Variants in DLEC1 observed in about 807,000 individuals in gnomAD.
The protein encoded by DLEC1 is DLEC1 cilia and flagella associated protein, also known as deleted in lung and esophageal cancer protein 1.
A neutral mutation model predicts 198.1 loss-of-function variants in DLEC1; 146 were observed. The observed-to-expected ratio is 0.74, with a 90% CI of 0.64 to 0.85. DLEC1 has a LOEUF of 0.85. Ranked by LOEUF, DLEC1 falls within the 40% of genes least tolerant of loss-of-function variation. The pLI is 0.00. For synonymous variants in DLEC1, 897 were observed against 866.8 expected (o/e 1.03, Z -0.61); for missense variants, 2,233 against 2,220.0 (o/e 1.01, Z -0.12).
chr3:38,053,841 C>G (rs1701275189), intron 2 of DLEC1, among the ~76,000 whole-genome samples: 1 of 152,168 alleles, frequency 6.6e-6, no homozygotes, highest in African/African-American at 2.4e-5. Context: ...CCATTTTGTT[C>G]TGTACTAAGA....
intron 2 of DLEC1, among the ~76,000 whole-genome samples, chr3:38,053,966 G>A (rs1696195831): frequency 6.6e-6 from 1 of 152,142 alleles, no homozygotes; most frequent in Non-Finnish European, 1.5e-5. Context: ...GGTGCAAGAT[G>A]TGCTTTGTTA....
chr3:38,079,990 G>A (rs1455556538), intron 6 of DLEC1, among the ~76,000 whole-genome samples: 1 of 152,210 alleles, frequency 6.6e-6, no homozygotes, highest in East Asian at 1.9e-4. Flanking sequence ...AATGTATATT[G>A]AGAATAAGAT....
At chr3:38,056,657 A>C (rs569570145) in intron 2 of DLEC1, among the ~76,000 whole-genome samples, 3 of 152,336 alleles carry the variant, frequency 2.0e-5, no homozygotes, top group South Asian at 4.1e-4. Flanking sequence ...AAAAGTAAAA[A>C]CAGGCTGCTC....
Position 38,097,544 on chromosome 3 carries a change from T to G in DLEC1, c.2472T>G (p.Thr824=). ...SEVGDFELNF[T]GGVPGPTSQD... is the part of the protein sequence containing the mutation. ...TCGGGGATTTTGAGTTGAACTTTAC[T>G]GGGGGTGTCCCTGGCCCCACAAGCC... is the stretch of plus-strand genomic sequence containing the variant. The change falls in exon 17 of 37, where the codon ACT becomes ACG. Residue 824 remains threonine (T), a synonymous_variant. Coordinates refer to ENST00000308059, the MANE Select transcript of DLEC1 (RefSeq NM_007335.4). 1 of 1,614,170 alleles carries G rather than the reference T, an allele frequency of 6.2e-7. No individual in the cohort carries two copies. The highest frequency in any genetic ancestry group is 8.5e-7 in the Non-Finnish European group (1 of 1,180,016).
At chr3:38,118,065 C>A in intron 33 of DLEC1, 41 bp downstream of exon 33, 2 of 1,551,952 alleles carry the variant, frequency 1.3e-6, no homozygotes, top group Non-Finnish European at 1.7e-6. Flanking sequence ...GATGGCACAC[C>A]CTCACATGTG....
intron 28 of DLEC1, 35 bp downstream of exon 28, chr3:38,116,693 A>C: frequency 6.2e-6 from 10 of 1,610,924 alleles, no homozygotes; most frequent in Non-Finnish European, 8.5e-6. Context: ...CAGGCTGGCC[A>C]CTGAGGGCCA....
Position 38,045,554 on chromosome 3 carries a change from C to A in DLEC1, c.423C>A (p.Leu141=). The change falls in exon 2 of 37, where the codon CTC becomes CTA. Residue 141 remains leucine (L), a synonymous_variant. Transcript: ENST00000308059. ...CATCCCCCTGCCAGATTCGGGAGCT[C>A]TATAAGCAGCGGCTGGATGAGTTTG... ...FVDQLQQIRE[L]YKQRLDEFEM... 2 of 1,613,406 alleles carry A rather than the reference C, an allele frequency of 1.2e-6. No individual in the cohort carries two copies. The highest frequency in any genetic ancestry group is 1.7e-6 in the Non-Finnish European group (2 of 1,179,766).
intron 2 of DLEC1, among the ~76,000 whole-genome samples, chr3:38,050,940 CTT>C (rs71094939): frequency 6.8e-6 from 1 of 146,768 alleles, no homozygotes; most frequent in Non-Finnish European, 1.5e-5. Flanking sequence ...CTCTCTCTCT[CTT>C]TTTTTTTTTT....
rs752997923 is a variant in DLEC1 at position 38,120,614 on chromosome 3, G to A, written c.4866+5G>A. On this transcript the variant is annotated splice_donor_5th_base_variant and intron_variant, in intron 34 of 36. Transcript: ENST00000308059. ...TACACCAACCAGACCACTCAGGCAC[G>A]CCCCAGGCCCACCTACATGTGGAGG... 46 of 1,612,656 alleles carry A rather than the reference G, an allele frequency of 2.9e-5. No individual in the cohort carries two copies. Among genetic ancestry groups the A allele is most frequent in the South Asian group, 1.8e-4 (16 of 91,014 alleles).
rs1450058915 is a variant in DLEC1, at chr3:38,062,415, G to T, written c.873+47G>T. 3.1e-6 allele frequency: 5 copies of T among 1,609,526 alleles called. No homozygotes were observed. The South Asian group carries it at 5.5e-5, about 18-fold the overall frequency. ...GAGCAGTGTTTGGGGGGACAGAGAG[G>T]CAGTGAAGGGGAAGGCATTCAGATG... On this transcript the variant is annotated intron_variant, in intron 4 of 36. Coordinates refer to ENST00000308059, the MANE Select transcript of DLEC1 (RefSeq NM_007335.4).
intron 19 of DLEC1, among the ~76,000 whole-genome samples, chr3:38,100,796 T>C (rs1377785099): frequency 6.6e-6 from 1 of 152,202 alleles, no homozygotes; most frequent in Non-Finnish European, 1.5e-5. Flanking sequence ...ATGCTCAGAC[T>C]GGACTGTTCC....
At chr3:38,077,502 G>T (rs1697693564) in intron 6 of DLEC1, among the ~76,000 whole-genome samples, 1 of 152,212 alleles carries the variant, frequency 6.6e-6, no homozygotes, top group Non-Finnish European at 1.5e-5. Flanking sequence ...GTTTTTAAAA[G>T]ACCTTTAGTC....
At chr3:38,087,328 A>T (rs1432723837) in intron 9 of DLEC1, among the ~76,000 whole-genome samples, 2 of 135,454 alleles carry the variant, frequency 1.5e-5, no homozygotes, top group African/African-American at 5.3e-5. Flanking sequence ...ACCATCCATC[A>T]GCATGCTCAC....
At chr3:38,084,506 AGTAGTAGTAGTGG>A (rs1559430580) in intron 7 of DLEC1, among the ~76,000 whole-genome samples, 1 of 776 alleles carries the variant, frequency 1.3e-3, no homozygotes, top group African/African-American at 6.0e-3. Flanking sequence ...TAGTAGTGGT[AGTAGTAGTAGTGG>A]TAGTAGTAGT....
intron 22 of DLEC1, chr3:38,109,765 C>CCA: frequency 1.1e-6 from 1 of 917,328 alleles, no homozygotes; most frequent in Non-Finnish European, 1.6e-6. Context: ...TGTGGTCTCC[C>CCA]CACACACACT....
At chr3:38,110,332 T>A in intron 23 of DLEC1, 51 bp downstream of exon 23, 7 of 1,603,202 alleles carry the variant, frequency 4.4e-6, no homozygotes, top group Non-Finnish European at 6.0e-6. Context: ...GGATGGGGTG[T>A]ACCCTGTTGA....
At chr3:38,040,404 C>G (rs987110863) in intron 1 of DLEC1, among the ~76,000 whole-genome samples, 54 of 152,318 alleles carry the variant, frequency 3.5e-4, no homozygotes, top group African/African-American at 1.3e-3. Context: ...TTCGGGCACA[C>G]CCACACTCAC....
chr3:38,098,826 T>C (rs1465741052), intron 18 of DLEC1, among the ~76,000 whole-genome samples: 1 of 152,188 alleles, frequency 6.6e-6, no homozygotes, highest in East Asian at 1.9e-4. Flanking sequence ...GGCCTATAGC[T>C]GGGCACTCTG....
At chr3:38,053,356 C>T (rs1208593279) in intron 2 of DLEC1, among the ~76,000 whole-genome samples, 1 of 151,808 alleles carries the variant, frequency 6.6e-6, no homozygotes, top group Non-Finnish European at 1.5e-5. Flanking sequence ...AGCGTCTCTG[C>T]CCGGCCGCCC....
Sources: allele counts gnomAD v4.1 joint callset (sites outside exome capture counted in the v4.1 genomes callset), GRCh38; gene constraint gnomAD v4.1.1; transcripts MANE v1.5; gene names NCBI Gene and HGNC (gene_info 2026-07-23, HGNC 2026-07-21).